ABCB11: variants seen among roughly 807,000 people sequenced by gnomAD.
ABCB11 encodes ATP binding cassette subfamily B member 11.
A neutral mutation model predicts 148.0 loss-of-function variants in ABCB11; 95 were observed. The observed-to-expected ratio is 0.64, with a 90% confidence interval of 0.54 to 0.76. The LOEUF (loss-of-function observed/expected upper bound fraction) is 0.76. Among genes scored for constraint, ABCB11 ranks in the 30% least tolerant of loss-of-function variants. The pLI, the probability that ABCB11 is intolerant of heterozygous loss-of-function variation, is 0.00. For synonymous variants in ABCB11, 591 were observed against 555.4 expected, an observed-to-expected ratio of 1.06 and a Z score of -0.90; for missense variants, 1,523 against 1,617.8, an observed-to-expected ratio of 0.94 and a Z score of 1.01.
chr2:168,984,999 A>G (rs1694264808), intron 10 of ABCB11, among the ~76,000 whole-genome samples: 1 of 151,232 alleles, frequency 6.6e-6, no homozygotes, highest in Admixed American at 6.6e-5. Flanking sequence ...CAGACAACCC[A>G]CAGGATGGGA....
intron 14 of ABCB11, chr2:168,970,678 C>G (rs1693546369): frequency 2.8e-5 from 8 of 287,244 alleles, no homozygotes; most frequent in South Asian, 2.7e-4. Flanking sequence ...TACTGATTAT[C>G]TCACAGGCCT....
At chr2:169,017,638 C>T (rs1351762454) in intron 2 of ABCB11, among the ~76,000 whole-genome samples, 1 of 150,476 alleles carries the variant, frequency 6.6e-6, no homozygotes, top group Non-Finnish European at 1.5e-5. Flanking sequence ...CCAGGACATC[C>T]CAGGTGCTAG....
rs1691763747 is a variant in ABCB11 at position 168,935,237 on chromosome 2, T to C, written c.3003A>G (p.Arg1001=). The change falls in exon 23 of 28, where the codon AGA becomes AGG. Residue 1001 remains arginine, a synonymous_variant. Coordinates refer to ENST00000650372, the MANE Select transcript of ABCB11 (RefSeq NM_003742.4). ...IMFIANSASY[R]YGGYLISNEG... ...CATTGGAGATTAAGTAACCTCCATA[T>C]CTGTAGGAAGCAGAATTCGCAATAA... The C allele has an allele frequency of 6.2e-7, 1 of 1,613,866 alleles. No homozygotes were observed. The highest frequency in any genetic ancestry group is 1.3e-5 in the African/African-American group (1 of 74,928).
At chr2:168,943,442 C>T (rs891152795) in intron 21 of ABCB11, among the ~76,000 whole-genome samples, 12 of 151,822 alleles carry the variant, frequency 7.9e-5, no homozygotes, top group African/African-American at 1.7e-4. Flanking sequence ...AGGGGAAAAA[C>T]GTAACTAGAG....
At chr2:169,024,401 AC>A in intron 1 of ABCB11, among the ~76,000 whole-genome samples, 1 of 151,896 alleles carries the variant, frequency 6.6e-6, no homozygotes, top group South Asian at 2.1e-4. Context: ...TTTTTTCTTA[AC>A]CCTGGTGAAT....
intron 25 of ABCB11, 24 bp from the exon 26 acceptor site, chr2:168,927,386 T>A (rs1052615740): frequency 1.3e-6 from 2 of 1,591,772 alleles, no homozygotes; most frequent in African/African-American, 1.3e-5. Context: ...AGATGACAGG[T>A]CATTAGGTTT....
chr2:168,947,155 TGTCAA>T (rs1692359158), intron 19 of ABCB11, among the ~76,000 whole-genome samples: 1 of 151,814 alleles, frequency 6.6e-6, no homozygotes, highest in Non-Finnish European at 1.5e-5. Flanking sequence ...ATGTGCCACA[TGTCAA>T]ATGCGTAGAT....
At chr2:168,946,737 C>T (rs1442741476) in intron 19 of ABCB11, among the ~76,000 whole-genome samples, 1 of 151,598 alleles carries the variant, frequency 6.6e-6, no homozygotes, top group African/African-American at 2.4e-5. Context: ...AATAAAGCCC[C>T]AAACATCAAG....
At position 169,014,295 on chromosome 2, in the gene ABCB11, T is replaced by C; in HGVS notation, c.150+8A>G. ...ACCCACTGCCATAAATCAACACAGT[T>C]TTATTACCAATTGAAAGAAGCCAAC... On this transcript the variant is annotated splice_region_variant and intron_variant, in intron 4 of 27. Transcript: ENST00000650372. The C allele has an allele frequency of 6.2e-7, 1 of 1,612,278 alleles. No individual in the cohort carries two copies. Among genetic ancestry groups the C allele is most frequent in the Non-Finnish European group, 8.5e-7 (1 of 1,178,512 alleles).
intron 19 of ABCB11, among the ~76,000 whole-genome samples, chr2:168,947,833 T>C (rs1390430925): frequency 6.6e-6 from 1 of 151,724 alleles, no homozygotes; most frequent in Non-Finnish European, 1.5e-5. Context: ...CTTAAGTCTC[T>C]AAGTCCATCT....
At chr2:168,950,154 C>T (rs202077566) in intron 19 of ABCB11, among the ~76,000 whole-genome samples, 65 of 150,884 alleles carry the variant, frequency 4.3e-4, no homozygotes, top group African/African-American at 1.3e-3. Context: ...CACACACACA[C>T]ACACACACAC....
rs183233882 is a variant in ABCB11 at position 168,981,905 on chromosome 2, C to T, written c.1084-1926G>A. Among the ~76,000 whole-genome samples, 8 of 152,226 alleles carry T rather than the reference C, an allele frequency of 5.3e-5. No individual in the cohort carries two copies. The East Asian group carries it at 1.5e-3, about 29-fold the overall frequency. On this transcript the variant is annotated intron_variant, in intron 10 of 27. Transcript: ENST00000650372. ...AAAACAGGCAGTGAGCTGGATTTGG[C>T]CTGTCGACCATAGTTTGCTGACTCC...
intron 5 of ABCB11, 40 bp downstream of exon 5, chr2:169,013,232 T>C (rs746780976): frequency 1.4e-6 from 2 of 1,477,556 alleles, no homozygotes; most frequent in South Asian, 2.5e-5. Context: ...ATTTAAGATA[T>C]GAGCAAAAAA....
At chr2:168,933,504 C>G (rs769992827) in intron 23 of ABCB11, among the ~76,000 whole-genome samples, 2 of 152,196 alleles carry the variant, frequency 1.3e-5, no homozygotes, top group Middle Eastern at 3.2e-3. Flanking sequence ...CTCACCTGCA[C>G]TGTCATGCAC....
intron 10 of ABCB11, among the ~76,000 whole-genome samples, chr2:168,981,553 G>C (rs1307174626): frequency 6.6e-6 from 1 of 152,106 alleles, no homozygotes; most frequent in Non-Finnish European, 1.5e-5. Context: ...TAATGATGTT[G>C]GTGATGATGA....
At chr2:169,020,683 T>C (rs915592699) in intron 1 of ABCB11, among the ~76,000 whole-genome samples, 4 of 150,294 alleles carry the variant, frequency 2.7e-5, no homozygotes, top group African/African-American at 9.8e-5. Context: ...GGCAAATCTA[T>C]AGGGACAGAA....
intron 5 of ABCB11, among the ~76,000 whole-genome samples, chr2:168,997,983 C>T (rs1162011167): frequency 5.9e-5 from 9 of 151,996 alleles, no homozygotes; most frequent in African/African-American, 2.2e-4. Flanking sequence ...CTTCTGACAA[C>T]CTCAAAACCA....
intron 1 of ABCB11, among the ~76,000 whole-genome samples, chr2:169,024,999 AT>A (rs1169121602): frequency 6.6e-6 from 1 of 151,640 alleles, no homozygotes; most frequent in African/African-American, 2.4e-5. Flanking sequence ...CGGTTACACA[AT>A]TTTTGAAGTT....
rs372482560 is a variant in ABCB11 at position 168,933,871 on chromosome 2, C to T, written c.3056+1313G>A. 8.5e-3 allele frequency among the ~76,000 whole-genome samples: 1,292 copies of T among 152,264 alleles called. 10 individuals are homozygous for T. Among genetic ancestry groups the T allele is most frequent in the Non-Finnish European group, 0.014 (940 of 67,994 alleles). On this transcript the variant is annotated intron_variant, in intron 23 of 27. Transcript: ENST00000650372. ...GCGATTCTCCTTTCTCCTGCCTCAG[C>T]CTCCCAAGTAGCTGGGATTACAGGC...
Sources: gnomAD v4.1 joint callset for allele counts (sites outside exome capture counted in the v4.1 genomes callset) on GRCh38, gnomAD v4.1.1 for gene constraint, MANE v1.5 for transcripts, NCBI Gene and HGNC (gene_info 2026-07-23, HGNC 2026-07-21) for gene names.